Variants in MCF2L observed in about 807,000 individuals in gnomAD.
The protein encoded by MCF2L is guanine nucleotide exchange factor DBS.
MCF2L carries 97 observed loss-of-function variants against 153.4 expected under a neutral mutation model. The ratio of observed to expected loss-of-function variants is 0.63; its 90% CI spans 0.54 to 0.75. The LOEUF is 0.75. Among genes scored for constraint, MCF2L ranks in the 30% least tolerant of loss-of-function variants. The pLI is 0.00. For missense variants in MCF2L, 1,347 were observed against 1,495.2 expected, an observed-to-expected ratio of 0.90 and a Z score of 1.64; for synonymous variants, 659 against 632.2, an observed-to-expected ratio of 1.04 and a Z score of -0.64.
At chr13:113,040,864 C>T (rs2086442354) in intron 3 of MCF2L, 1 of 152,260 alleles carries the variant, frequency 6.6e-6, no homozygotes, top group Non-Finnish European at 1.5e-5. Flanking sequence ...AGTGGGCTGT[C>T]TGCCCACATG....
rs145269387 is a variant in MCF2L at position 112,946,719 on chromosome 13, C to T, written c.169+44348C>T. Among the ~76,000 whole-genome samples, 5 of 152,276 alleles carry T rather than the reference C, an allele frequency of 3.3e-5. No individual in the cohort carries two copies. In the South Asian group the frequency reaches 6.2e-4, roughly 19 times the overall value. The stretch of plus-strand genomic sequence containing the variant: ...CTGAATAAAGGGTGTATTTAGGACT[C>T]GTAGTCAGAAGAGGCACTGTGAGGA... On this transcript the variant is annotated intron_variant, in intron 2 of 29. Coordinates refer to the MCF2L transcript ENST00000375608.
chr13:112,961,873 G>T (rs554928366), intron 2 of MCF2L, among the ~76,000 whole-genome samples: 37 of 152,292 alleles, frequency 2.4e-4, no homozygotes, highest in Middle Eastern at 3.4e-3. Context: ...GTGACCACGA[G>T]AGGCCACTCA....
rs9604021 is a variant in MCF2L at position 113,069,575 on chromosome 13, C to G, written c.882-484C>G. On this transcript the variant is annotated intron_variant, in intron 8 of 29. Coordinates refer to ENST00000535094, the MANE Select transcript of MCF2L (RefSeq NM_001112732.3). Reference sequence around the variant, plus strand: ...CACCTGGGTGGTGCACAGCTGGAGTCCCAGCTACGTGGAGGCAGAGGTCGC... The same window carrying G: ...CACCTGGGTGGTGCACAGCTGGAGTGCCAGCTACGTGGAGGCAGAGGTCGC... Among the ~76,000 whole-genome samples, 150 of 49,698 alleles carry G rather than the reference C, an allele frequency of 3.0e-3. 21 individuals are homozygous for G. The highest frequency in any genetic ancestry group is 6.1e-3 in the Admixed American group (28 of 4,584). 32.6% of individuals were successfully genotyped at this position (49,698 alleles called of 152,430 possible).
At position 113,031,916 on chromosome 13, in the gene MCF2L, A is replaced by G. The variant is rs2085750182; in HGVS notation, c.278+7158A>G. Among the ~76,000 whole-genome samples, 1 of 152,090 alleles carries G rather than the reference A, an allele frequency of 6.6e-6. No individual in the cohort carries two copies. The highest frequency in any genetic ancestry group is 2.4e-5 in the African/African-American group (1 of 41,396). ...GATGCACGCAGACACGCAGGCACTC[A>G]TGCACTTACATACACAGATGTGCAT... On this transcript the variant is annotated intron_variant, in intron 3 of 29. Coordinates refer to ENST00000535094, the MANE Select transcript of MCF2L (RefSeq NM_001112732.3). This position sits in a 1 kb window ranked among gnomAD's most constrained non-coding sequence, Gnocchi z 5.5.
chr13:113,043,115 A>G (rs1185565881), intron 3 of MCF2L: 2 of 152,258 alleles, frequency 1.3e-5, no homozygotes, highest in Admixed American at 6.5e-5. Context: ...GAGATGGTTC[A>G]CAGCCAAGTC....
intron 12 of MCF2L, among the ~76,000 whole-genome samples, 163 bp from the exon 13 acceptor site, chr13:113,076,889 G>C (rs182844415): frequency 1.3e-5 from 2 of 152,380 alleles, no homozygotes; most frequent in Non-Finnish European, 2.9e-5. Context: ...CTCTCCGTCC[G>C]TAGTGGCCAG....
intron 8 of MCF2L, among the ~76,000 whole-genome samples, chr13:113,069,401 G>A (rs1290651124): frequency 4.6e-5 from 2 of 43,360 alleles, no homozygotes; most frequent in Non-Finnish European, 4.5e-5. Flanking sequence ...GGCAGAGGTC[G>A]CAGTGAGCCG....
Position 113,078,803 on chromosome 13 carries a change from C to A in MCF2L, c.1808+64C>A, listed in dbSNP as rs371127427. 3.2e-3 allele frequency: 4,504 copies of A among 1,408,918 alleles called. 150 individuals are homozygous for A. The South Asian group carries it at 0.052, about 16-fold the overall frequency. The allele number at this position is 1,408,918 out of a possible 1,614,324, so 87.3% of individuals were successfully genotyped here. A position where few individuals can be genotyped will look rare whatever the true frequency, so the allele number is the denominator to read the frequency against. On this transcript the variant is annotated intron_variant, in intron 15 of 29. Coordinates refer to ENST00000535094, the MANE Select transcript of MCF2L (RefSeq NM_001112732.3). ...GACCGCAGCCTGAACCACCAGATGC[C>A]GTCAGGCACTCGAGCAGATGCCTCA...
intron 2 of MCF2L, chr13:112,902,459 T>C (rs1459997421): frequency 1.5e-6 from 2 of 1,339,032 alleles, no homozygotes; most frequent in Admixed American, 5.2e-5. Flanking sequence ...CCGGTCCTTT[T>C]AGAGATTGAC....
chr13:112,979,489 A>G (rs905814543), intron 1 of MCF2L: 8 of 1,435,758 alleles, frequency 5.6e-6, no homozygotes, highest in Non-Finnish European at 7.3e-6. Context: ...GGCGAAGCCC[A>G]GAGTCACCAG....
upstream of MCF2L, chr13:112,968,113 TC>T (rs1217814163): frequency 1.3e-4 from 25 of 194,326 alleles, no homozygotes; most frequent in South Asian, 3.0e-4. Flanking sequence ...TCTCTCTCTC[TC>T]TCTCTTTTAA....
intron 1 of MCF2L, chr13:112,984,989 G>T (rs541864928): frequency 1.7e-4 from 29 of 174,490 alleles, no homozygotes; most frequent in African/African-American, 6.9e-4. Context: ...GGAATATGCT[G>T]CTCCCCAGGC....
chr13:113,094,664 G>T (rs1403617180), intron 27 of MCF2L, 29 bp downstream of exon 27: 4 of 1,599,506 alleles, frequency 2.5e-6, no homozygotes, highest in Non-Finnish European at 8.5e-7. Flanking sequence ...TGGGCACTTG[G>T]GGTGGGGGCT....
At chr13:113,062,751 G>A (rs1040397509) in intron 5 of MCF2L, among the ~76,000 whole-genome samples, 4 of 152,288 alleles carry the variant, frequency 2.6e-5, no homozygotes, top group East Asian at 1.9e-4. Flanking sequence ...CAGTGGCCCC[G>A]GCACCTCTGC....
chr13:113,079,673 G>A (rs903148027), intron 15 of MCF2L, among the ~76,000 whole-genome samples: 17 of 152,248 alleles, frequency 1.1e-4, no homozygotes, highest in East Asian at 9.7e-4. Context: ...TGTCACTTCC[G>A]GCTTCTGATG....
intron 27 of MCF2L, 143 bp from the exon 28 acceptor site, chr13:113,096,228 C>G (rs903093868): frequency 2.4e-5 from 16 of 665,956 alleles, no homozygotes; most frequent in Non-Finnish European, 3.9e-5. Context: ...CCTCCCAAGG[C>G]TGGAGCCCTT....
chr13:112,902,203 A>G, exon 2 of MCF2L: 2 of 1,612,200 alleles, frequency 1.2e-6, no homozygotes, highest in Non-Finnish European at 1.7e-6. Context: ...CTGCAGCCTC[A>G]TGTTTGACTG....
At chr13:112,954,886 G>T (rs2081738607) in intron 2 of MCF2L, among the ~76,000 whole-genome samples, 1 of 152,220 alleles carries the variant, frequency 6.6e-6, no homozygotes, top group Non-Finnish European at 1.5e-5. Context: ...CACCTGGGGG[G>T]CCTGTGGGAG....
chr13:113,036,770 C>T (rs1035689727), intron 3 of MCF2L, among the ~76,000 whole-genome samples: 1 of 152,244 alleles, frequency 6.6e-6, no homozygotes, highest in Non-Finnish European at 1.5e-5. Context: ...CAGTGGGTGG[C>T]CCCCCAACTC....
Sources: allele counts gnomAD v4.1 joint callset (sites outside exome capture counted in the v4.1 genomes callset), GRCh38; gene constraint gnomAD v4.1.1; non-coding constraint Gnocchi (gnomAD v3.1); transcripts MANE v1.5; gene names NCBI Gene and HGNC (gene_info 2026-07-23, HGNC 2026-07-21).